ARHGEF28: variants seen among roughly 807,000 people sequenced by gnomAD.
ARHGEF28 encodes the protein 190 kDa guanine nucleotide exchange factor.
A neutral mutation model predicts 206.6 loss-of-function variants in ARHGEF28; 152 were observed. That is an observed-to-expected ratio of 0.74 (90% CI 0.64 to 0.84). The LOEUF (loss-of-function observed/expected upper bound fraction) is 0.84. Ranked by LOEUF, ARHGEF28 falls within the 40% of genes least tolerant of loss-of-function variation. The pLI, the probability that ARHGEF28 is intolerant of heterozygous loss-of-function variation, is 0.00. For synonymous variants in ARHGEF28, 763 were observed against 776.4 expected, an observed-to-expected ratio of 0.98 and a Z score of 0.29; for missense variants, 2,028 against 2,073.2, an observed-to-expected ratio of 0.98 and a Z score of 0.42.
intron 22 of ARHGEF28, among the ~76,000 whole-genome samples, chr5:73,877,552 G>A (rs1278999424): frequency 4.5e-5 from 6 of 134,268 alleles, no homozygotes; most frequent in East Asian, 2.1e-4. Context: ...TTCTCTTGTG[G>A]GCATTTAGTG....
At chr5:73,853,462 A>T (rs905615780) in intron 14 of ARHGEF28, among the ~76,000 whole-genome samples, 1 of 152,266 alleles carries the variant, frequency 6.6e-6, no homozygotes. Context: ...TAAACGTTTT[A>T]GTATACGGAT....
intron 2 of ARHGEF28, among the ~76,000 whole-genome samples, chr5:73,706,795 T>G (rs1748961150): frequency 6.6e-6 from 1 of 152,144 alleles, no homozygotes; most frequent in Non-Finnish European, 1.5e-5. Flanking sequence ...GGCAAACAAC[T>G]TCCTTGGTAG....
At chr5:73,629,507 C>CAAA (rs70973265) in intron 1 of ARHGEF28, among the ~76,000 whole-genome samples, 24,300 of 137,902 alleles carry the variant, frequency 0.18, 2,445 homozygotes, top group Non-Finnish European at 0.24. Flanking sequence ...GACTCTGTCT[C>CAAA]AAAAAAAAAA....
intron 2 of ARHGEF28, among the ~76,000 whole-genome samples, chr5:73,730,235 A>G (rs1750525682): frequency 6.6e-6 from 1 of 152,220 alleles, no homozygotes; most frequent in Admixed American, 6.5e-5. Flanking sequence ...TTTAAATAGT[A>G]AACTGTCCCA....
At chr5:73,932,548 T>C (rs1004119676) in intron 35 of ARHGEF28, among the ~76,000 whole-genome samples, 3 of 152,156 alleles carry the variant, frequency 2.0e-5, no homozygotes, top group Non-Finnish European at 4.4e-5. Flanking sequence ...TGTAATCCTA[T>C]CTTGACTACA....
At chr5:73,663,919 TA>T (rs1418562511) in intron 1 of ARHGEF28, among the ~76,000 whole-genome samples, 2 of 152,144 alleles carry the variant, frequency 1.3e-5, no homozygotes, top group African/African-American at 4.8e-5. Flanking sequence ...AGCCCTAGGG[TA>T]GAGGTGGATT....
chr5:73,879,595 G>C (rs1760771796), intron 22 of ARHGEF28, among the ~76,000 whole-genome samples: 1 of 152,182 alleles, frequency 6.6e-6, no homozygotes, highest in African/African-American at 2.4e-5. Flanking sequence ...ATGTACAGAT[G>C]GGTTTTTGGT....
rs533997097 is a variant in ARHGEF28, at chr5:73,845,720, C to T, written c.1428-548C>T. ...CATTTGAAATGTCTTTTGCCCCAGT[C>T]GTGGTGGCTCACTCCAGCAATCCCA... On this transcript the variant is annotated intron_variant, in intron 11 of 35. Transcript: ENST00000513042. 9.2e-5 allele frequency among the ~76,000 whole-genome samples: 14 copies of T among 152,118 alleles called. No individual in the cohort carries two copies. In the South Asian group the frequency reaches 2.3e-3, roughly 25 times the overall value.
chr5:73,839,773 G>A (rs922408792), intron 10 of ARHGEF28, among the ~76,000 whole-genome samples: 2 of 152,022 alleles, frequency 1.3e-5, no homozygotes, highest in African/African-American at 4.8e-5. Context: ...TTGAAATTTG[G>A]GCATTTTCTT....
At chr5:73,921,413 C>T (rs58293281) in intron 35 of ARHGEF28, among the ~76,000 whole-genome samples, 10,454 of 152,132 alleles carry the variant, frequency 0.069, 1,202 homozygotes, top group African/African-American at 0.23. Flanking sequence ...TAATTTGCCA[C>T]GATAAATCAC....
chr5:73,926,621 A>G (rs189104524), intron 35 of ARHGEF28, among the ~76,000 whole-genome samples: 31 of 152,248 alleles, frequency 2.0e-4, no homozygotes, highest in African/African-American at 7.5e-4. Context: ...GGCCTGCCAC[A>G]TGCAGCCACA....
intron 22 of ARHGEF28, among the ~76,000 whole-genome samples, chr5:73,878,385 C>T (rs888127842): frequency 6.6e-6 from 1 of 151,814 alleles, no homozygotes; most frequent in Non-Finnish European, 1.5e-5. Context: ...TCCAATTTGC[C>T]AGTCTGTGTC....
At chr5:73,797,779 G>A (rs956915237) in intron 9 of ARHGEF28, among the ~76,000 whole-genome samples, 3 of 152,196 alleles carry the variant, frequency 2.0e-5, no homozygotes, top group African/African-American at 7.2e-5. Context: ...CTGATAAATA[G>A]ATATGTAAGT....
At chr5:73,802,046 T>C (rs1347514235) in intron 9 of ARHGEF28, among the ~76,000 whole-genome samples, 1 of 152,176 alleles carries the variant, frequency 6.6e-6, no homozygotes, top group Non-Finnish European at 1.5e-5. Flanking sequence ...GAGTTCTACT[T>C]TTATCTCAAC....
intron 6 of ARHGEF28, 105 bp downstream of exon 6, chr5:73,776,801 A>C: frequency 9.5e-7 from 1 of 1,055,058 alleles, no homozygotes; most frequent in East Asian, 2.5e-5. Context: ...GACTTTTTTT[A>C]ATGAAACCTT....
intron 9 of ARHGEF28, among the ~76,000 whole-genome samples, chr5:73,802,677 CAG>C (rs1358843751): frequency 6.6e-6 from 1 of 151,900 alleles, no homozygotes; most frequent in African/African-American, 2.4e-5. Context: ...AAACATGAAA[CAG>C]GTGAAAAATA....
At chr5:73,659,670 C>T (rs900563326) in intron 1 of ARHGEF28, among the ~76,000 whole-genome samples, 1 of 152,108 alleles carries the variant, frequency 6.6e-6, no homozygotes, top group Non-Finnish European at 1.5e-5. Flanking sequence ...ACAGGCATAT[C>T]TTGAAGATAT....
At chr5:73,858,909 C>G (rs1240853080) in intron 16 of ARHGEF28, among the ~76,000 whole-genome samples, 1 of 152,198 alleles carries the variant, frequency 6.6e-6, no homozygotes, top group Non-Finnish European at 1.5e-5. Flanking sequence ...TCCCTTACTC[C>G]CTCTGCTCCA....
chr5:73,646,446 A>G (rs745882685), intron 1 of ARHGEF28, among the ~76,000 whole-genome samples: 6 of 152,208 alleles, frequency 3.9e-5, no homozygotes, highest in Non-Finnish European at 8.8e-5. Context: ...AAGATTTTCT[A>G]GGATTTGACC....
Sources: allele counts gnomAD v4.1 joint callset (sites outside exome capture counted in the v4.1 genomes callset), GRCh38; gene constraint gnomAD v4.1.1; transcripts MANE v1.5; gene names NCBI Gene and HGNC (gene_info 2026-07-23, HGNC 2026-07-21).